Variants in KIAA1217 observed in about 807,000 individuals in gnomAD.
KIAA1217 encodes the protein sickle tail protein homolog.
A neutral mutation model predicts 163.9 loss-of-function variants in KIAA1217; 88 were observed. The observed-to-expected ratio is 0.54, with a 90% confidence interval of 0.45 to 0.64. The LOEUF (loss-of-function observed/expected upper bound fraction) is 0.64. Among genes scored for constraint, KIAA1217 ranks in the 30% least tolerant of loss-of-function variants. KIAA1217 has a pLI of 0.00. For missense variants in KIAA1217, 2,372 were observed against 2,475.0 expected (o/e 0.96, Z 0.88); for synonymous variants, 903 against 923.1 (o/e 0.98, Z 0.39).
rs946181285 is a variant in KIAA1217, at chr10:24,469,035, A to G, written c.847-4193A>G. On this transcript the variant is annotated intron_variant, in intron 5 of 20. Transcript: ENST00000376454. ...AAGAAATGTACTCAACTTTTTATGAATTTAAATAAATTTTACATTTTCTTT... is the reference window on the plus strand; with the variant it reads ...AAGAAATGTACTCAACTTTTTATGAGTTTAAATAAATTTTACATTTTCTTT... 3.9e-5 allele frequency among the ~76,000 whole-genome samples: 6 copies of G among 152,308 alleles called. 1 individual carries two copies. The South Asian group carries it at 1.2e-3, about 32-fold the overall frequency.
Position 24,547,139 on chromosome 10 carries a change from T to C in KIAA1217, c.*815T>C, listed in dbSNP as rs2075753738. 1 of 151,916 alleles carries C rather than the reference T, an allele frequency of 6.6e-6. No homozygotes were observed. The highest frequency in any genetic ancestry group is 6.6e-5 in the Admixed American group (1 of 15,170). 9.4% of individuals were successfully genotyped at this position (151,916 alleles called of 1,614,324 possible). ...GTATCTAACCCCTTCTTTTGTTTTC[T>C]GAGACCTGGTAACCCACGCTCTTGC... On this transcript the variant is annotated 3_prime_UTR_variant, in exon 21 of 21. Coordinates refer to ENST00000376454, the MANE Select transcript of KIAA1217 (RefSeq NM_019590.5).
In KIAA1217 at chr10:24,544,460, G is replaced by A. The variant is rs144231647; in HGVS notation, c.5190G>A (p.Ser1730=). The A allele has an allele frequency of 8.0e-4, 1,295 of 1,612,732 alleles. No homozygotes were observed. The highest frequency in any genetic ancestry group is 9.8e-4 in the Non-Finnish European group (1,151 of 1,179,188). The change falls in exon 19 of 21, where the codon TCG becomes TCA. Residue 1730 remains serine, a synonymous_variant. Transcript: ENST00000376454. ...EGPTALEPPT[S]IPSASRKGSS... ...CCACTGCCCTAGAGCCCCCTACGTC[G>A]ATACCTTCAGCTTCACGTAAGGTAT...
At chr10:23,777,576 T>C (rs937802885) in intron 1 of KIAA1217, among the ~76,000 whole-genome samples, 12 of 152,218 alleles carry the variant, frequency 7.9e-5, no homozygotes, top group African/African-American at 2.9e-4. Context: ...TCTCTGCTTA[T>C]GTGACTTAGG....
At chr10:24,537,345 G>A (rs984806923) in intron 17 of KIAA1217, among the ~76,000 whole-genome samples, 3 of 152,158 alleles carry the variant, frequency 2.0e-5, no homozygotes, top group African/African-American at 7.2e-5. Context: ...GGAGGCCGAG[G>A]CAGGTGGATC....
At chr10:24,351,116 T>G (rs899474698) in intron 2 of KIAA1217, among the ~76,000 whole-genome samples, 1 of 152,026 alleles carries the variant, frequency 6.6e-6, no homozygotes, top group African/African-American at 2.4e-5. Flanking sequence ...CAGAGCTAAT[T>G]TTTGTATTTT....
chr10:23,794,541 A>T (rs1487522752), intron 1 of KIAA1217, among the ~76,000 whole-genome samples: 1 of 152,218 alleles, frequency 6.6e-6, no homozygotes, highest in Non-Finnish European at 1.5e-5. Context: ...AATTGCAGTT[A>T]TCTCTTTTAG....
chr10:23,927,933 T>C (rs1382244025), intron 1 of KIAA1217, among the ~76,000 whole-genome samples: 1 of 152,326 alleles, frequency 6.6e-6, no homozygotes, highest in East Asian at 1.9e-4. Context: ...ATCATAAGCT[T>C]GCCTAATTCA....
intron 1 of KIAA1217, among the ~76,000 whole-genome samples, chr10:23,910,153 C>T (rs958410177): frequency 6.7e-6 from 1 of 150,366 alleles, no homozygotes. Flanking sequence ...CTGTCAGGGG[C>T]GTGGGGGCTG....
chr10:24,470,357 C>T (rs1361637112), intron 5 of KIAA1217, among the ~76,000 whole-genome samples: 1 of 152,168 alleles, frequency 6.6e-6, no homozygotes, highest in Non-Finnish European at 1.5e-5. Context: ...GGGACTGTTC[C>T]TTCTGGTCTA....
At chr10:24,140,947 G>C (rs1284944860) in intron 2 of KIAA1217, among the ~76,000 whole-genome samples, 1 of 152,130 alleles carries the variant, frequency 6.6e-6, no homozygotes, top group Non-Finnish European at 1.5e-5. Context: ...TCCTGTTCTG[G>C]ATAAGAGTAA....
chr10:24,510,725 G>A (rs913418739), intron 9 of KIAA1217, among the ~76,000 whole-genome samples: 2 of 152,146 alleles, frequency 1.3e-5, no homozygotes, highest in Admixed American at 1.3e-4. Flanking sequence ...ACGTGGCTTT[G>A]CTGTGTGTGG....
chr10:24,331,700 G>A (rs2045693937), intron 2 of KIAA1217, among the ~76,000 whole-genome samples: 1 of 152,248 alleles, frequency 6.6e-6, no homozygotes, highest in African/African-American at 2.4e-5. Flanking sequence ...CAGGAAATGA[G>A]AAGCAAATTT....
At chr10:24,088,102 C>G (rs2061768253) in intron 2 of KIAA1217, among the ~76,000 whole-genome samples, 1 of 123,118 alleles carries the variant, frequency 8.1e-6, no homozygotes, top group East Asian at 2.0e-4. Flanking sequence ...ACAGTAAACT[C>G]TAAGGGTTAT....
chr10:23,938,699 T>C (rs1843635064), intron 1 of KIAA1217, among the ~76,000 whole-genome samples: 1 of 151,800 alleles, frequency 6.6e-6, no homozygotes, highest in Non-Finnish European at 1.5e-5. Flanking sequence ...CTCGGTTATG[T>C]GCAAATACTA....
intron 2 of KIAA1217, among the ~76,000 whole-genome samples, chr10:24,224,875 G>T (rs1449484273): frequency 2.1e-4 from 29 of 138,476 alleles, no homozygotes; most frequent in African/African-American, 7.8e-4. Context: ...CACCCAGGCT[G>T]GAGTGCAGTG....
chr10:24,087,793 C>T (rs1743683296), intron 2 of KIAA1217, among the ~76,000 whole-genome samples: 1 of 152,224 alleles, frequency 6.6e-6, no homozygotes, highest in Non-Finnish European at 1.5e-5. Flanking sequence ...CAGACTTCAG[C>T]ACTCTTTCCA....
intron 4 of KIAA1217, among the ~76,000 whole-genome samples, chr10:24,437,428 A>G (rs2060133437): frequency 6.6e-6 from 1 of 152,272 alleles, no homozygotes; most frequent in African/African-American, 2.4e-5. Context: ...AACACAAGCC[A>G]GTAATCCCAG....
intron 2 of KIAA1217, among the ~76,000 whole-genome samples, chr10:24,236,659 GT>G (rs143627043): frequency 2.9e-5 from 4 of 138,510 alleles, no homozygotes; most frequent in Admixed American, 7.2e-5. Context: ...TTTTTTTTTT[GT>G]TTTTTTTTTG....
intron 5 of KIAA1217, among the ~76,000 whole-genome samples, 163 bp from the exon 6 acceptor site, chr10:24,473,065 A>T (rs2063697919): frequency 6.6e-6 from 1 of 152,030 alleles, no homozygotes; most frequent in African/African-American, 2.4e-5. Flanking sequence ...CCTCAACTTC[A>T]CCCCATCTGC....
Sources: allele counts gnomAD v4.1 joint callset (sites outside exome capture counted in the v4.1 genomes callset), GRCh38; gene constraint gnomAD v4.1.1; transcripts MANE v1.5; gene names NCBI Gene and HGNC (gene_info 2026-07-23, HGNC 2026-07-21).